The following RNF207 variants were observed in gnomAD, a reference collection of about 807,000 sequenced individuals.
The protein encoded by RNF207 is ring finger protein 207, also known as OTTHUMG00000001089.
In RNF207, 72 loss-of-function variants were observed where a neutral mutation model predicts 79.0. That is an observed-to-expected ratio of 0.91 (90% CI 0.75 to 1.11). RNF207 has a LOEUF of 1.11. RNF207 is among the 50% of genes least tolerant of loss of function. The pLI, the probability that RNF207 is intolerant of heterozygous loss-of-function variation, is 0.00. For missense variants in RNF207, 936 were observed against 855.8 expected, an observed-to-expected ratio of 1.09 and a Z score of -1.17; for synonymous variants, 348 against 366.2, an observed-to-expected ratio of 0.95 and a Z score of 0.57.
intron 17 of RNF207, 85 bp from the exon 18 acceptor site, chr1:6,219,151 G>C (rs1189731177): frequency 7.9e-7 from 1 of 1,264,058 alleles, no homozygotes; most frequent in Non-Finnish European, 1.1e-6. Flanking sequence ...GTTCCATTCT[G>C]AGTGCTTTGG....
chr1:6,216,946 T>G lies in RNF207; in HGVS notation c.1653-1343T>G, dbSNP rs12073033. ...GTGCAGTGGCTCAATCACAGCTCAC[T>G]GCAGCCGCGATCTCCCAGGCTCAAT... On this transcript the variant is annotated intron_variant, in intron 16 of 17. Transcript: ENST00000377939. 9.2e-3 allele frequency among the ~76,000 whole-genome samples: 1,401 copies of G among 152,104 alleles called. 14 individuals are homozygous for G. The highest frequency in any genetic ancestry group is 0.031 in the African/African-American group (1,280 of 41,466).
intron 16 of RNF207, among the ~76,000 whole-genome samples, 154 bp downstream of exon 16, chr1:6,213,337 A>G (rs1321471308): frequency 1.3e-5 from 2 of 152,138 alleles, no homozygotes; most frequent in Admixed American, 6.5e-5. Flanking sequence ...CCTGGCCAAC[A>G]TGGTGGAACC....
Position 6,211,266 on chromosome 1 carries a change from T to C in RNF207, c.1109+148T>C. On this transcript the variant is annotated intron_variant, in intron 12 of 17. Coordinates refer to ENST00000377939, the MANE Select transcript of RNF207 (RefSeq NM_207396.3). The surrounding 1 kb of genome is among the most constrained non-coding windows in gnomAD (Gnocchi z 4.2). The stretch of plus-strand genomic sequence containing the variant: ...AGCTCGCCACCCTCCCAGCAGGGTG[T>C]CTGGGCACAGGGGATGGCCAGGGCG... The C allele has an allele frequency of 1.6e-6, 1 of 625,400 alleles. No homozygotes were observed. The highest frequency in any genetic ancestry group is 2.8e-6 in the Non-Finnish European group (1 of 355,572). The allele number at this position is 625,400 out of a possible 1,614,324, so 38.7% of individuals were successfully genotyped here. A position where few individuals can be genotyped will look rare whatever the true frequency, so the allele number is the denominator to read the frequency against.
chr1:6,215,389 A>C (rs1362426866), intron 16 of RNF207, among the ~76,000 whole-genome samples: 2 of 148,338 alleles, frequency 1.3e-5, no homozygotes, highest in African/African-American at 2.5e-5. Context: ...TGGTTTTGAA[A>C]TTCCCGGGCT....
intron 3 of RNF207, 56 bp from the exon 4 acceptor site, chr1:6,208,825 T>C: frequency 6.7e-7 from 1 of 1,481,612 alleles, no homozygotes; most frequent in Non-Finnish European, 8.9e-7. Context: ...CGGCTGCGGT[T>C]CCCGCGCTGG....
Position 6,207,710 on chromosome 1 carries a change from C to G in RNF207, c.324+199C>G, listed in dbSNP as rs781726848. ...TGAGGTCCAGAACAAGGGACTTGAG[C>G]CAGTGTCCAGACAGTGGCAGAGGCT... On this transcript the variant is annotated intron_variant, in intron 3 of 17. Transcript: ENST00000377939. This position sits in a 1 kb window ranked among gnomAD's most constrained non-coding sequence, Gnocchi z 4.5. The G allele has an allele frequency of 1.4e-6, 1 of 721,536 alleles. No individual in the cohort carries two copies. Among genetic ancestry groups the G allele is most frequent in the Non-Finnish European group, 2.5e-6 (1 of 403,202 alleles). The allele number at this position is 721,536 out of a possible 1,614,324, so 44.7% of individuals were successfully genotyped here. A position where few individuals can be genotyped will look rare whatever the true frequency, so the allele number is the denominator to read the frequency against.
In RNF207 at chr1:6,207,514, A is replaced by G; in HGVS notation, c.324+3A>G. On this transcript the variant is annotated splice_donor_region_variant and intron_variant, in intron 3 of 17. Coordinates refer to ENST00000377939, the MANE Select transcript of RNF207 (RefSeq NM_207396.3). The surrounding 1 kb of genome is among the most constrained non-coding windows in gnomAD (Gnocchi z 4.5). ...GTGACCTGGAGTGCAGCGAGCAGGC[A>G]GGGGCGGCAGGGCGGGTGGGTGAGG... is the stretch of plus-strand genomic sequence containing the variant. The G allele has an allele frequency of 7.6e-7, 1 of 1,319,630 alleles. No homozygotes were observed. The highest frequency in any genetic ancestry group is 1.0e-6 in the Non-Finnish European group (1 of 967,466). The allele number at this position is 1,319,630 out of a possible 1,614,324, so 81.7% of individuals were successfully genotyped here.
At chr1:6,209,621 A>T (rs1181113301) in intron 7 of RNF207, 82 bp downstream of exon 7, 1 of 1,375,768 alleles carries the variant, frequency 7.3e-7, no homozygotes, top group African/African-American at 1.5e-5. Flanking sequence ...GTGGATTTCC[A>T]GTGTAGTGGG....
At chr1:6,206,960 TC>T (rs1667932853) in intron 2 of RNF207, among the ~76,000 whole-genome samples, 1 of 151,978 alleles carries the variant, frequency 6.6e-6, no homozygotes, top group African/African-American at 2.4e-5. Context: ...GCCCAAGACC[TC>T]CCATCAAAAG....
Position 6,217,260 on chromosome 1 carries a change from C to T in RNF207, c.1653-1029C>T, listed in dbSNP as rs1668392030. Among the ~76,000 whole-genome samples the T allele has an allele frequency of 2.6e-5, 4 of 152,332 alleles. No homozygotes were observed. In the South Asian group the frequency reaches 8.3e-4, roughly 32 times the overall value. The stretch of plus-strand genomic sequence containing the variant: ...CCGTTCCTTCCTGGTCTCTGGCTGG[C>T]TCTGCCTCCTCAGCTCAGTGCCCAG... On this transcript the variant is annotated intron_variant, in intron 16 of 17. Transcript: ENST00000377939. The surrounding 1 kb of genome is among the most constrained non-coding windows in gnomAD (Gnocchi z 4.2).
At chr1:6,212,558 G>C (rs1036486984) in intron 14 of RNF207, 124 bp from the exon 15 acceptor site, 1 of 1,248,934 alleles carries the variant, frequency 8.0e-7, no homozygotes, top group East Asian at 2.3e-5. Flanking sequence ...GGGAGTCTTT[G>C]CTGCTTGGAA....
chr1:6,219,764 G>GATT lies in RNF207; in HGVS notation c.*359_*361dup, dbSNP rs1297087698. 1.3e-5 allele frequency: 2 copies of GATT among 156,898 alleles called. No individual in the cohort carries two copies. Among genetic ancestry groups the GATT allele is most frequent in the African/African-American group, 4.8e-5 (2 of 41,518 alleles). 9.7% of individuals were successfully genotyped at this position (156,898 alleles called of 1,614,324 possible). ...CTGCCTCAGCCTCCCAAAGTGCTGA[G>GATT]ATTACAGGGGTGAGTCACCGCGCCT... On this transcript the variant is annotated 3_prime_UTR_variant, in exon 18 of 18. Transcript: ENST00000377939.
intron 16 of RNF207, among the ~76,000 whole-genome samples, chr1:6,215,692 G>A (rs1254594815): frequency 4.6e-5 from 7 of 151,876 alleles, no homozygotes; most frequent in East Asian, 1.9e-4. Flanking sequence ...AGACAGTCTC[G>A]CTCTGCCGCC....
At position 6,207,831 on chromosome 1, in the gene RNF207, C is replaced by T. The variant is rs947892154; in HGVS notation, c.324+320C>T. On this transcript the variant is annotated intron_variant, in intron 3 of 17. Transcript: ENST00000377939. The surrounding 1 kb of genome is among the most constrained non-coding windows in gnomAD (Gnocchi z 4.5). ...GGCAGTCCAGTTTGCAGGCCTGGGC[C>T]GACCCTGAAGGGCCTCTGCTACCCA... 1.8e-6 allele frequency: 1 copy of T among 544,004 alleles called. No individual in the cohort carries two copies. The highest frequency in any genetic ancestry group is 1.6e-5 in the South Asian group (1 of 60,804). The allele number at this position is 544,004 out of a possible 1,614,324, so 33.7% of individuals were successfully genotyped here.
Position 6,211,235 on chromosome 1 carries a change from G to A in RNF207, c.1109+117G>A, listed in dbSNP as rs1006070445. The A allele has an allele frequency of 1.3e-5, 9 of 700,212 alleles. No homozygotes were observed. The highest frequency in any genetic ancestry group is 7.1e-5 in the African/African-American group (4 of 56,126). The allele number at this position is 700,212 out of a possible 1,614,324, so 43.4% of individuals were successfully genotyped here. ...GCCAGGTGCCACCATTCCTTCCTCCGTCCTTAGCTCGCCACCCTCCCAGCA... is the reference window on the plus strand; with the variant it reads ...GCCAGGTGCCACCATTCCTTCCTCCATCCTTAGCTCGCCACCCTCCCAGCA... On this transcript the variant is annotated intron_variant, in intron 12 of 17. Coordinates refer to ENST00000377939, the MANE Select transcript of RNF207 (RefSeq NM_207396.3). This position sits in a 1 kb window ranked among gnomAD's most constrained non-coding sequence, Gnocchi z 4.2.
chr1:6,212,843 T>C, intron 15 of RNF207, 110 bp downstream of exon 15: 1 of 962,752 alleles, frequency 1.0e-6, no homozygotes, highest in Middle Eastern at 2.7e-4. Flanking sequence ...CCCCACACTC[T>C]TCCCCTTAGC....
In RNF207 at chr1:6,207,447, A is replaced by T. The variant is rs1667955848; in HGVS notation, c.260A>T (p.Asp87Val). 2 of 1,570,810 alleles carry T rather than the reference A, an allele frequency of 1.3e-6. No homozygotes were observed. Among genetic ancestry groups the T allele is most frequent in the Admixed American group, 3.5e-5 (2 of 57,682 alleles). ...PVDRLLQFLV[D>V]SSGDGVEAVR... ...GACCGGCTGCTGCAGTTCCTGGTGG[A>T]CAGCTCAGGGGATGGCGTGGAGGCG... The change falls in exon 3 of 18, where the codon GAC becomes GTC. Residue 87 changes from aspartate (D) to valine (V), a missense_variant. By Grantham distance (152) the Asp-to-Val change is radical. Coordinates refer to ENST00000377939, the MANE Select transcript of RNF207 (RefSeq NM_207396.3). This position sits in a 1 kb window ranked among gnomAD's most constrained non-coding sequence, Gnocchi z 4.5.
In RNF207 at chr1:6,209,484, G is replaced by C; in HGVS notation, c.698G>C (p.Arg233Pro). ...ALLQAMVEEV[R>P]HSAAEEEDAI... ...CTGCAGGCCATGGTGGAGGAGGTGCGGCACAGCGCCGCCGAGGAGGAGGAC... is the reference window on the plus strand; with the variant it reads ...CTGCAGGCCATGGTGGAGGAGGTGCCGCACAGCGCCGCCGAGGAGGAGGAC... Residue 233 changes from arginine to proline, a missense_variant, in exon 7 of 18, where the codon CGG becomes CCG. Arg to Pro is a moderately radical substitution (Grantham distance 103, BLOSUM62 -2). Transcript: ENST00000377939. 6 of 1,486,646 alleles carry C rather than the reference G, an allele frequency of 4.0e-6. No individual in the cohort carries two copies. Among genetic ancestry groups the C allele is most frequent in the Non-Finnish European group, 5.3e-6 (6 of 1,126,494 alleles). 92.1% of individuals were successfully genotyped at this position (1,486,646 alleles called of 1,614,324 possible). A position where few individuals can be genotyped will look rare whatever the true frequency, so the allele number is the denominator to read the frequency against.
chr1:6,211,030 G>T lies in RNF207; in HGVS notation c.1021G>T (p.Asp341Tyr). ...CCATCCCGCTGCCCAGATTGCCAGT[G>T]ACCACCGAGCTGAATTCGCGCGCTG... ...RPIQSSKIAS[D>Y]HRAEFARCLE... The change falls in exon 12 of 18, where the codon GAC becomes TAC. Residue 341 changes from aspartate (D) to tyrosine (Y), a missense_variant. By Grantham distance (160) the Asp-to-Tyr change is radical (BLOSUM62 -3). Transcript: ENST00000377939. This position sits in a 1 kb window ranked among gnomAD's most constrained non-coding sequence, Gnocchi z 4.2. 6.2e-7 allele frequency: 1 copy of T among 1,609,480 alleles called. No individual in the cohort carries two copies.
Sources: gnomAD v4.1 joint callset for allele counts (sites outside exome capture counted in the v4.1 genomes callset) on GRCh38, gnomAD v4.1.1 for gene constraint, Gnocchi (gnomAD v3.1) non-coding constraint, MANE v1.5 for transcripts, NCBI Gene and HGNC (gene_info 2026-07-23, HGNC 2026-07-21) for gene names.